ARMH4: variants seen among roughly 807,000 people sequenced by gnomAD.
ARMH4 encodes the protein armadillo-like helical domain-containing protein 4.
Under a neutral mutation model 61.9 loss-of-function variants are expected in ARMH4, and 49 were observed. That is an observed-to-expected ratio of 0.79 (90% CI 0.63 to 1.00). The LOEUF is 1.00. Ranked by LOEUF, ARMH4 falls within the 50% of genes least tolerant of loss-of-function variation. The pLI is 0.00. For synonymous variants in ARMH4, 368 were observed against 341.5 expected, an observed-to-expected ratio of 1.08 and a Z score of -0.85; for missense variants, 934 against 930.0, an observed-to-expected ratio of 1.00 and a Z score of -0.06.
intron 5 of ARMH4, among the ~76,000 whole-genome samples, chr14:58,020,067 C>T (rs1226721935): frequency 6.6e-6 from 1 of 152,130 alleles, no homozygotes; most frequent in African/African-American, 2.4e-5. Flanking sequence ...TTAAACACCT[C>T]ACAAAAATTC....
intron 5 of ARMH4, among the ~76,000 whole-genome samples, chr14:58,030,532 C>T (rs900512502): frequency 5.3e-5 from 8 of 152,260 alleles, no homozygotes; most frequent in African/African-American, 1.7e-4. Flanking sequence ...GAATTAACTA[C>T]CGTATATTCA....
At chr14:58,110,889 AT>A (rs201137325) in intron 4 of ARMH4, among the ~76,000 whole-genome samples, 1,639 of 150,910 alleles carry the variant, frequency 0.011, 35 homozygotes, top group African/African-American at 0.037. Context: ...CGCCCAGCTA[AT>A]TTTTTTTATT....
chr14:58,029,471 T>A (rs1408165113), intron 5 of ARMH4, among the ~76,000 whole-genome samples: 2 of 152,108 alleles, frequency 1.3e-5, no homozygotes, highest in Non-Finnish European at 2.9e-5. Flanking sequence ...TGACCTCAGG[T>A]GATCCGCCTA....
chr14:58,015,371 T>C (rs1320395518), intron 5 of ARMH4, among the ~76,000 whole-genome samples: 1 of 152,096 alleles, frequency 6.6e-6, no homozygotes, highest in Non-Finnish European at 1.5e-5. Context: ...AGTATTCTGG[T>C]GGGCACAGGT....
At chr14:58,109,710 T>A (rs1052358104) in intron 4 of ARMH4, among the ~76,000 whole-genome samples, 5 of 152,232 alleles carry the variant, frequency 3.3e-5, no homozygotes, top group Non-Finnish European at 5.9e-5. Flanking sequence ...TAATGAAATC[T>A]TACTGTTATT....
intron 5 of ARMH4, among the ~76,000 whole-genome samples, chr14:58,042,815 A>G (rs1018200351): frequency 2.0e-5 from 3 of 152,170 alleles, no homozygotes; most frequent in African/African-American, 7.2e-5. Flanking sequence ...TACAATAAAC[A>G]CCTCTACACA....
At chr14:58,012,033 C>T in intron 6 of ARMH4, 86 bp downstream of exon 6, 1 of 951,926 alleles carries the variant, frequency 1.1e-6, no homozygotes, top group Non-Finnish European at 1.6e-6. Context: ...AATAATAAAC[C>T]AAAGCCCTAC....
chr14:58,132,126 A>T (rs2139958927), intron 3 of ARMH4, among the ~76,000 whole-genome samples: 1 of 152,350 alleles, frequency 6.6e-6, no homozygotes, highest in Non-Finnish European at 1.5e-5. Flanking sequence ...GTCATAGAGT[A>T]AGAGCCTAGA....
intron 4 of ARMH4, among the ~76,000 whole-genome samples, chr14:58,103,307 G>A (rs763488996): frequency 5.9e-5 from 9 of 152,048 alleles, no homozygotes; most frequent in Non-Finnish European, 1.0e-4. Flanking sequence ...GCTATGGTCT[G>A]CATGCATCCT....
At position 58,118,043 on chromosome 14, in the gene ARMH4, G is replaced by A. The variant is rs80190107; in HGVS notation, c.1831+13469C>T. ...CCTCCCAAAGTGCTGGGAGAGAGCC[G>A]TTTTCCACTCACTTATTCTACTCAT... On this transcript the variant is annotated intron_variant, in intron 4 of 7. Transcript: ENST00000267485. 4.8e-3 allele frequency among the ~76,000 whole-genome samples: 729 copies of A among 152,200 alleles called. 7 individuals carry two copies. The highest frequency in any genetic ancestry group is 0.017 in the African/African-American group (696 of 41,546).
intron 5 of ARMH4, among the ~76,000 whole-genome samples, chr14:58,094,012 T>C (rs753204208): frequency 3.9e-5 from 6 of 152,168 alleles, no homozygotes; most frequent in Admixed American, 6.5e-5. Flanking sequence ...AAAAAATTAC[T>C]AAACTGGTAT....
chr14:58,064,927 A>G (rs1173239376), intron 5 of ARMH4, among the ~76,000 whole-genome samples: 2 of 152,206 alleles, frequency 1.3e-5, no homozygotes, highest in African/African-American at 2.4e-5. Flanking sequence ...GATGAATTCT[A>G]CAAGTCAAAC....
chr14:58,026,248 G>A (rs181005779), intron 5 of ARMH4, among the ~76,000 whole-genome samples: 5 of 151,856 alleles, frequency 3.3e-5, no homozygotes, highest in Admixed American at 1.3e-4. Flanking sequence ...TTCCCAAAAA[G>A]GAAAGCAATA....
chr14:58,066,686 G>C (rs1012227511), intron 5 of ARMH4, among the ~76,000 whole-genome samples: 3 of 152,206 alleles, frequency 2.0e-5, no homozygotes, highest in African/African-American at 7.2e-5. Flanking sequence ...AGGAACGTCA[G>C]TATGTTCGCT....
rs560968873 is a variant in ARMH4 at position 58,014,831 on chromosome 14, A to G, written c.2090-2681T>C. Among the ~76,000 whole-genome samples, 10 of 152,306 alleles carry G rather than the reference A, an allele frequency of 6.6e-5. No individual in the cohort carries two copies. The East Asian group carries it at 1.4e-3, about 21-fold the overall frequency. On this transcript the variant is annotated intron_variant, in intron 5 of 7. Coordinates refer to ENST00000267485, the MANE Select transcript of ARMH4 (RefSeq NM_001001872.4). ...GAGTGAAGAACAGAGGAGGAAAGCC[A>G]GTTGCTAGAGTGCAAGGCAGAACCC... is the stretch of plus-strand genomic sequence containing the variant.
At chr14:58,106,239 G>A (rs1292597672) in intron 4 of ARMH4, among the ~76,000 whole-genome samples, 1 of 152,148 alleles carries the variant, frequency 6.6e-6, no homozygotes, top group Admixed American at 6.5e-5. Context: ...CCGAGATCAA[G>A]TCACTCGGGA....
In ARMH4 at chr14:58,131,188, A is replaced by G. The variant is rs542984643; in HGVS notation, c.1831+324T>C. On this transcript the variant is annotated intron_variant, in intron 4 of 7. Transcript: ENST00000267485. ...CTATGGCACAAAAGCAGCCACACAC[A>G]TATGAAAATGAATTAGTATGGCTGT... The G allele has an allele frequency of 3.4e-5, 8 of 236,144 alleles. No homozygotes were observed. The East Asian group carries it at 7.5e-4, about 22-fold the overall frequency. The allele number at this position is 236,144 out of a possible 1,614,324, so 14.6% of individuals were successfully genotyped here. A position where few individuals can be genotyped will look rare whatever the true frequency, so the allele number is the denominator to read the frequency against.
At chr14:58,047,931 C>G (rs927221972) in intron 5 of ARMH4, among the ~76,000 whole-genome samples, 1 of 152,096 alleles carries the variant, frequency 6.6e-6, no homozygotes, top group Admixed American at 6.5e-5. Context: ...TGGCAGAGAA[C>G]AGAAACCAAG....
intron 5 of ARMH4, among the ~76,000 whole-genome samples, chr14:58,074,956 A>G (rs901510815): frequency 2.0e-5 from 3 of 152,162 alleles, no homozygotes; most frequent in Non-Finnish European, 2.9e-5. Flanking sequence ...GTGGCTTTAT[A>G]TATTAAGAGC....
Sources: allele counts gnomAD v4.1 joint callset (sites outside exome capture counted in the v4.1 genomes callset), GRCh38; gene constraint gnomAD v4.1.1; transcripts MANE v1.5; gene names NCBI Gene and HGNC (gene_info 2026-07-23, HGNC 2026-07-21).